CACNB4: variants seen among roughly 807,000 people sequenced by gnomAD.
CACNB4 encodes voltage-dependent L-type calcium channel subunit beta-4.
In CACNB4, 32 loss-of-function variants were observed where a neutral mutation model predicts 71.2. The observed-to-expected ratio is 0.45, with a 90% CI of 0.34 to 0.60. The LOEUF (loss-of-function observed/expected upper bound fraction) is 0.60, where lower values mean the gene tolerates loss of function less well. Ranked by LOEUF, CACNB4 falls within the 20% of genes least tolerant of loss-of-function variation. CACNB4 has a pLI of 0.01. For missense variants in CACNB4, 464 were observed against 647.9 expected, an observed-to-expected ratio of 0.72 and a Z score of 3.08; for synonymous variants, 231 against 236.9, an observed-to-expected ratio of 0.97 and a Z score of 0.23.
chr2:151,869,851 C>A, intron 8 of CACNB4: 2 of 255,978 alleles, frequency 7.8e-6, no homozygotes, highest in South Asian at 7.2e-5. Flanking sequence ...ATGTGCCACA[C>A]ATTGTCCTAG....
At chr2:151,940,885 T>C (rs1447761519) in intron 2 of CACNB4, among the ~76,000 whole-genome samples, 1 of 152,098 alleles carries the variant, frequency 6.6e-6, no homozygotes, top group Non-Finnish European at 1.5e-5. Flanking sequence ...CGAAACAGAG[T>C]ATCTCTTGTC....
chr2:152,013,665 G>C (rs1683186652), intron 2 of CACNB4, among the ~76,000 whole-genome samples: 1 of 152,210 alleles, frequency 6.6e-6, no homozygotes, highest in Non-Finnish European at 1.5e-5. Flanking sequence ...AGGATATAGA[G>C]AGGTCCTCTT....
At chr2:151,998,315 C>CAAAA (rs70974815) in intron 2 of CACNB4, among the ~76,000 whole-genome samples, 6 of 110,704 alleles carry the variant, frequency 5.4e-5, no homozygotes, top group African/African-American at 2.4e-4. Flanking sequence ...ACTCCATCTC[C>CAAAA]AAAAAAAAAA....
At chr2:151,970,991 C>CA (rs1289952674) in intron 2 of CACNB4, 12,402 of 113,784 alleles carry the variant, frequency 0.11, 1,828 homozygotes, top group African/African-American at 0.39. Flanking sequence ...GACTCCGTCT[C>CA]AAAAAAAAAA....
At chr2:151,989,849 ACC>A (rs1681595028) in intron 2 of CACNB4, among the ~76,000 whole-genome samples, 2 of 152,024 alleles carry the variant, frequency 1.3e-5, no homozygotes, top group African/African-American at 4.8e-5. Flanking sequence ...GTGACTACCC[ACC>A]CAGTTGTCCA....
chr2:151,979,514 T>G (rs2099874362), intron 2 of CACNB4, among the ~76,000 whole-genome samples: 1 of 152,126 alleles, frequency 6.6e-6, no homozygotes, highest in Non-Finnish European at 1.5e-5. Context: ...AAGCCACAAT[T>G]TTCATGAATG....
rs1335877741 is a variant in CACNB4 at position 151,847,045 on chromosome 2, A to G, written c.1117-4957T>C. ...GTGGTAAAAAGAAATAATATGGGTG[A>G]GCACACTTTTATTTCCTTGCTATTG... On this transcript the variant is annotated intron_variant, in intron 12 of 13. Transcript: ENST00000539935. 2.7e-5 allele frequency among the ~76,000 whole-genome samples: 4 copies of G among 150,522 alleles called. No homozygotes were observed. In the East Asian group the frequency reaches 7.8e-4, roughly 29 times the overall value.
intron 2 of CACNB4, among the ~76,000 whole-genome samples, chr2:152,018,208 T>C (rs1210224682): frequency 6.6e-6 from 1 of 151,740 alleles, no homozygotes; most frequent in Non-Finnish European, 1.5e-5. Flanking sequence ...AAACAAAAGA[T>C]GAAATGGGCT....
intron 2 of CACNB4, among the ~76,000 whole-genome samples, chr2:152,064,645 AG>A (rs1686204192): frequency 6.6e-6 from 1 of 152,204 alleles, no homozygotes; most frequent in South Asian, 2.1e-4. Context: ...GGCCTCCCAA[AG>A]TGCTGGGATT....
chr2:152,073,857 C>T (rs747254481), intron 2 of CACNB4, among the ~76,000 whole-genome samples: 17 of 152,146 alleles, frequency 1.1e-4, no homozygotes, highest in Non-Finnish European at 2.1e-4. Context: ...GCAACGGCCT[C>T]ATCTAATGAG....
At chr2:151,958,684 C>T (rs2099868918) in intron 2 of CACNB4, among the ~76,000 whole-genome samples, 1 of 152,184 alleles carries the variant, frequency 6.6e-6, no homozygotes, top group South Asian at 2.1e-4. Flanking sequence ...ACTACTGCTG[C>T]CCTAGTTCAG....
At chr2:151,942,033 G>A (rs2099864394) in intron 2 of CACNB4, among the ~76,000 whole-genome samples, 1 of 151,410 alleles carries the variant, frequency 6.6e-6, no homozygotes, top group Non-Finnish European at 1.5e-5. Context: ...TTCTAAGTCA[G>A]CTATAAGAAA....
At chr2:151,891,563 T>C (rs1288497552) in intron 2 of CACNB4, among the ~76,000 whole-genome samples, 2 of 152,230 alleles carry the variant, frequency 1.3e-5, no homozygotes, top group African/African-American at 4.8e-5. Context: ...TGGATGCTTT[T>C]GGGCAAAAAC....
intron 2 of CACNB4, among the ~76,000 whole-genome samples, chr2:151,921,080 T>C (rs189819174): frequency 1.1e-3 from 166 of 151,800 alleles, no homozygotes; most frequent in African/African-American, 3.9e-3. Context: ...GAGCCTGCAG[T>C]GAGCCAAGAT....
chr2:152,016,938 G>A (rs1162979414), intron 2 of CACNB4, among the ~76,000 whole-genome samples: 1 of 152,174 alleles, frequency 6.6e-6, no homozygotes, highest in African/African-American at 2.4e-5. Context: ...GGGGAAATGA[G>A]GCAAAGAGAG....
At chr2:151,904,277 T>C (rs1007807714) in intron 2 of CACNB4, among the ~76,000 whole-genome samples, 2 of 152,258 alleles carry the variant, frequency 1.3e-5, no homozygotes, top group African/African-American at 4.8e-5. Flanking sequence ...ATTTATCTGC[T>C]GAAATGGAGC....
chr2:151,928,957 A>G (rs905992968), intron 2 of CACNB4, among the ~76,000 whole-genome samples: 4 of 151,938 alleles, frequency 2.6e-5, no homozygotes, highest in Admixed American at 2.0e-4. Context: ...CTCACTCACT[A>G]TACTGTCTGA....
chr2:152,070,514 A>G (rs556976644), intron 2 of CACNB4, among the ~76,000 whole-genome samples: 6 of 152,216 alleles, frequency 3.9e-5, no homozygotes, highest in Admixed American at 3.9e-4. Context: ...TACACTTAAC[A>G]CAAAAATGGG....
intron 2 of CACNB4, among the ~76,000 whole-genome samples, chr2:151,916,771 G>A (rs1230623860): frequency 6.6e-6 from 1 of 152,224 alleles, no homozygotes; most frequent in Non-Finnish European, 1.5e-5. Context: ...TTCCCAGCTG[G>A]AGGCAATTTT....
Sources: gnomAD v4.1 joint callset for allele counts (sites outside exome capture counted in the v4.1 genomes callset) on GRCh38, gnomAD v4.1.1 for gene constraint, MANE v1.5 for transcripts, NCBI Gene and HGNC (gene_info 2026-07-23, HGNC 2026-07-21) for gene names.